KIF24: variants seen among roughly 807,000 people sequenced by gnomAD.
The protein encoded by KIF24 is kinesin-like protein KIF24.
In KIF24, 81 loss-of-function variants were observed where a neutral mutation model predicts 118.9. The observed-to-expected ratio is 0.68, with a 90% CI of 0.57 to 0.82. The LOEUF (loss-of-function observed/expected upper bound fraction) is 0.82. KIF24 is among the 40% of genes least tolerant of loss of function. The probability of loss-of-function intolerance (pLI) is 0.00; values close to 1 mark genes in which losing one functional copy is unlikely to be tolerated. For synonymous variants in KIF24, 599 were observed against 610.0 expected, an observed-to-expected ratio of 0.98 and a Z score of 0.27; for missense variants, 1,560 against 1,661.6, an observed-to-expected ratio of 0.94 and a Z score of 1.06.
In KIF24 at chr9:34,257,449, C is replaced by A; in HGVS notation, c.2158G>T (p.Val720Phe). Residue 720 changes from valine to phenylalanine, a missense_variant, in exon 11 of 13, where the codon GTT (valine) becomes TTT (phenylalanine). Physicochemically the swap from Val to Phe is conservative, Grantham distance 50. This residue lies in a region of KIF24 where 964 missense variants were observed against 988.0 expected (regional missense o/e 0.98). Transcript: ENST00000402558. ...TGGGCGTTGCCAAAGGAGAGCTCAA[C>A]TCGAGACACAAGCTGCTTCTGTACT... ...QPVQKQLVSR[V>F]ELSFGNAHHR... The A allele has an allele frequency of 6.2e-7, 1 of 1,614,060 alleles. No homozygotes were observed. The highest frequency in any genetic ancestry group is 1.1e-5 in the South Asian group (1 of 91,088).
intron 2 of KIF24, among the ~76,000 whole-genome samples, chr9:34,309,861 T>C (rs1297172790): frequency 6.6e-6 from 1 of 152,124 alleles, no homozygotes; most frequent in Non-Finnish European, 1.5e-5. Flanking sequence ...ATAAATTCTT[T>C]ATCTTAAGGT....
At chr9:34,292,316 T>C (rs1268177851) in intron 4 of KIF24, among the ~76,000 whole-genome samples, 1 of 152,224 alleles carries the variant, frequency 6.6e-6, no homozygotes, top group East Asian at 1.9e-4. Flanking sequence ...AAAACATATT[T>C]CTTTTCCTCC....
intron 3 of KIF24, among the ~76,000 whole-genome samples, chr9:34,305,227 A>G (rs1165899802): frequency 3.9e-5 from 6 of 152,244 alleles, no homozygotes; most frequent in African/African-American, 1.4e-4. Context: ...TCTAGCAGGC[A>G]GTGAACATTA....
chr9:34,311,486 C>T, intron 1 of KIF24, 115 bp from the exon 2 acceptor site: 1 of 494,936 alleles, frequency 2.0e-6, no homozygotes. Context: ...AATGTTTTAT[C>T]TGTCAAGTTC....
chr9:34,309,766 C>T (rs1349104648), intron 2 of KIF24, among the ~76,000 whole-genome samples: 1 of 152,012 alleles, frequency 6.6e-6, no homozygotes, highest in Non-Finnish European at 1.5e-5. Context: ...GATATTTTTA[C>T]TGTTAAAACT....
chr9:34,313,201 C>T lies in KIF24; in HGVS notation c.-25-1830G>A, dbSNP rs568089726. 6.6e-5 allele frequency among the ~76,000 whole-genome samples: 10 copies of T among 152,274 alleles called. 1 individual carries two copies. Among genetic ancestry groups the T allele is most frequent in the African/African-American group, 2.4e-4 (10 of 41,564 alleles). On this transcript the variant is annotated intron_variant, in intron 1 of 12. Transcript: ENST00000402558. ...CAAGGGCCCAGCCAACAGCCATCACCAAAGCCAGACATGTGAAAGAAGTCA... is the reference window on the plus strand; with the variant it reads ...CAAGGGCCCAGCCAACAGCCATCACTAAAGCCAGACATGTGAAAGAAGTCA...
At chr9:34,296,963 C>T (rs1005150448) in intron 4 of KIF24, 54 bp downstream of exon 4, 39 of 821,226 alleles carry the variant, frequency 4.7e-5, no homozygotes, top group Non-Finnish European at 6.9e-5. Flanking sequence ...AGAAATATGG[C>T]CTAATGGAAA....
In KIF24 at chr9:34,318,685, G is replaced by A. The variant is rs188915802; in HGVS notation, c.-25-7314C>T. On this transcript the variant is annotated intron_variant, in intron 1 of 12. Coordinates refer to ENST00000402558, the MANE Select transcript of KIF24 (RefSeq NM_194313.4). This position sits in a 1 kb window ranked among gnomAD's most constrained non-coding sequence, Gnocchi z 4.9. ...AGGCGACCACGGCGTCGGAGGCCAA[G>A]GCAGTGCTGAGTGCCAAGCAGCTGA... 17 of 1,539,150 alleles carry A rather than the reference G, an allele frequency of 1.1e-5. No homozygotes were observed. The highest frequency in any genetic ancestry group is 1.5e-5 in the Non-Finnish European group (17 of 1,134,134).
chr9:34,302,095 C>T (rs922302194), intron 3 of KIF24, among the ~76,000 whole-genome samples: 2 of 148,332 alleles, frequency 1.3e-5, no homozygotes, highest in Non-Finnish European at 3.0e-5. Flanking sequence ...CCTGGGTTCA[C>T]GCCATTCTCC....
rs1036362110 is a variant in KIF24, at chr9:34,253,349, CTT to C, written c.*1029_*1030del. On this transcript the variant is annotated 3_prime_UTR_variant, in exon 13 of 13. Transcript: ENST00000402558. ...TAAAGTAATTGGCACCTGGAGGCTA[CTT>C]TGTCTTCCCTGTCCTGAGCTGCTTC... 1.3e-5 allele frequency: 2 copies of C among 152,264 alleles called. No homozygotes were observed. The highest frequency in any genetic ancestry group is 1.3e-4 in the Admixed American group (2 of 15,280). 9.4% of individuals were successfully genotyped at this position (152,264 alleles called of 1,614,324 possible).
intron 2 of KIF24, among the ~76,000 whole-genome samples, chr9:34,309,540 C>CAAAA (rs397960934): frequency 1.1e-4 from 7 of 65,204 alleles, no homozygotes; most frequent in South Asian, 4.6e-4. Context: ...GACTCCGTCT[C>CAAAA]AAAAAAAAAA....
Position 34,257,069 on chromosome 9 carries a change from G to T in KIF24, c.2538C>A (p.Asn846Lys), listed in dbSNP as rs772256153. 1.2e-5 allele frequency: 20 copies of T among 1,613,912 alleles called. No individual in the cohort carries two copies. Among genetic ancestry groups the T allele is most frequent in the Non-Finnish European group, 1.6e-5 (19 of 1,179,904 alleles). ...ISSQRATKQR[N>K]TLENSEDSFF... is the part of the protein sequence containing the mutation. ...ATGAGTCTTCGCTATTCTCCAGGGT[G>T]TTCCTTTGCTTTGTGGCCCTCTGAC... The change falls in exon 11 of 13, where the codon AAC becomes AAA. Residue 846 changes from asparagine to lysine, a missense_variant. Transcript: ENST00000402558.
At position 34,311,167 on chromosome 9, in the gene KIF24, A is replaced by G. The variant is rs781118450; in HGVS notation, c.180T>C (p.Ile60=). ...DRKRLFQLIK[I]IKIMQEEDKA... ...TATCTTCTTCTTGCATAATCTTAATAATTTTGATAAGTTGGAAGAGACGTT... is the reference window on the plus strand; with the variant it reads ...TATCTTCTTCTTGCATAATCTTAATGATTTTGATAAGTTGGAAGAGACGTT... The change falls in exon 2 of 13, where the codon ATT becomes ATC. Residue 60 remains isoleucine (I), a synonymous_variant. Transcript: ENST00000402558. The G allele has an allele frequency of 1.9e-6, 3 of 1,613,454 alleles. No individual in the cohort carries two copies. The highest frequency in any genetic ancestry group is 2.2e-5 in the South Asian group (2 of 91,026).
chr9:34,313,752 GT>G (rs1425286036), intron 1 of KIF24, among the ~76,000 whole-genome samples: 371 of 97,628 alleles, frequency 3.8e-3, no homozygotes, highest in Middle Eastern at 9.8e-3. Flanking sequence ...TTTTTTTTTT[GT>G]TTTTTTTTTT....
intron 7 of KIF24, among the ~76,000 whole-genome samples, chr9:34,271,325 C>CAAAAAAAAA (rs58895274): frequency 1.4e-4 from 15 of 107,328 alleles, no homozygotes; most frequent in South Asian, 2.7e-4. Flanking sequence ...AGCAATCCAG[C>CAAAAAAAAA]AAAAAAAAAA....
rs908982340 is a variant in KIF24 at position 34,312,708 on chromosome 9, G to GT, written c.-25-1338dup. ...CTGGCCTTCTATTTGTGGTAGATTT[G>GT]TTTTTTTTGAGATGGAGTTTCACTC... is the stretch of plus-strand genomic sequence containing the variant. On this transcript the variant is annotated intron_variant, in intron 1 of 12. Coordinates refer to ENST00000402558, the MANE Select transcript of KIF24 (RefSeq NM_194313.4). Among the ~76,000 whole-genome samples, 8 of 151,742 alleles carry GT rather than the reference G, an allele frequency of 5.3e-5. No individual in the cohort carries two copies. In the East Asian group the frequency reaches 7.7e-4, roughly 15 times the overall value.
chr9:34,294,232 C>T (rs548874188), intron 4 of KIF24, among the ~76,000 whole-genome samples: 2 of 152,252 alleles, frequency 1.3e-5, no homozygotes, highest in Admixed American at 6.5e-5. Context: ...AAATTACAAG[C>T]GTGAACCACT....
chr9:34,258,459 G>A (rs1245678805), intron 10 of KIF24, among the ~76,000 whole-genome samples: 2 of 152,170 alleles, frequency 1.3e-5, no homozygotes, highest in East Asian at 3.8e-4. Context: ...GACAGGGTGA[G>A]ACTCTGTCTT....
At chr9:34,293,156 G>A (rs974220116) in intron 4 of KIF24, among the ~76,000 whole-genome samples, 1 of 151,992 alleles carries the variant, frequency 6.6e-6, no homozygotes, top group African/African-American at 2.4e-5. Context: ...CAAAAAAATG[G>A]GCAAATGAAG....
Sources: allele counts gnomAD v4.1 joint callset (sites outside exome capture counted in the v4.1 genomes callset), GRCh38; gene constraint gnomAD v4.1.1; regional missense constraint gnomAD v4.1.1; non-coding constraint Gnocchi (gnomAD v3.1); transcripts MANE v1.5; gene names NCBI Gene and HGNC (gene_info 2026-07-23, HGNC 2026-07-21).